PPP2R1B: variants seen among roughly 807,000 people sequenced by gnomAD.
The protein encoded by PPP2R1B is serine/threonine-protein phosphatase 2A 65 kDa regulatory subunit A beta isoform.
PPP2R1B carries 58 observed loss-of-function variants against 72.7 expected under a neutral mutation model. The ratio of observed to expected loss-of-function variants is 0.80; its 90% CI spans 0.65 to 0.99. PPP2R1B has a LOEUF of 0.99. PPP2R1B is among the 50% of genes least tolerant of loss of function. The pLI, the probability that PPP2R1B is intolerant of heterozygous loss-of-function variation, is 0.00. For synonymous variants in PPP2R1B, 256 were observed against 264.6 expected, an observed-to-expected ratio of 0.97 and a Z score of 0.32; for missense variants, 695 against 733.6, an observed-to-expected ratio of 0.95 and a Z score of 0.61.
chr11:111,698,679 C>G, the PPP2R1B span, among the ~76,000 whole-genome samples: 4 of 152,282 alleles, frequency 2.6e-5, no homozygotes, highest in East Asian at 7.7e-4. Context: ...CCATTGCACT[C>G]TAGCCTGGGC....
rs560686651 is a variant in PPP2R1B, at chr11:111,741,088, T to C, written c.*508A>G. On this transcript the variant is annotated 3_prime_UTR_variant, in exon 15 of 15. Coordinates refer to ENST00000527614, the MANE Select transcript of PPP2R1B (RefSeq NM_002716.5). ...ATGAGACTAATGCAGACCATCATAA[T>C]TCAGGAAAATGTGGCTTTCATTACG... The C allele has an allele frequency of 5.1e-6, 5 of 987,692 alleles. No individual in the cohort carries two copies. In the South Asian group the frequency reaches 1.9e-4, roughly 37 times the overall value. The allele number at this position is 987,692 out of a possible 1,614,324, so 61.2% of individuals were successfully genotyped here.
rs1555048931 is a variant in PPP2R1B, at chr11:111,754,506, T to A, written c.1022A>T (p.Tyr341Phe). The A allele has an allele frequency of 1.2e-6, 2 of 1,603,232 alleles. No homozygotes were observed. Among genetic ancestry groups the A allele is most frequent in the Non-Finnish European group, 1.7e-6 (2 of 1,177,510 alleles). The stretch of plus-strand genomic sequence containing the variant: ...AAATAAAGTCAGGTTTACCTTTATA[T>A]AAGGCAGAATTTGATTCATAATTAT... ...ETIIMNQILP[Y>F]IKELVSDTNQ... The change falls in exon 8 of 15, where the codon TAT becomes TTT. Residue 341 changes from tyrosine to phenylalanine, a missense_variant. Physicochemically the swap from Tyr to Phe is conservative, Grantham distance 22. Coordinates refer to ENST00000527614, the MANE Select transcript of PPP2R1B (RefSeq NM_002716.5).
intron 9 of PPP2R1B, 129 bp downstream of exon 9, chr11:111,753,314 T>A: frequency 7.8e-7 from 1 of 1,277,036 alleles, no homozygotes; most frequent in South Asian, 1.4e-5. Context: ...CAGGTGTCAT[T>A]GGTTTAAAAT....
intron 10 of PPP2R1B, 45 bp from the exon 11 acceptor site, chr11:111,748,059 G>T (rs1465821978): frequency 6.4e-7 from 1 of 1,560,772 alleles, no homozygotes; most frequent in African/African-American, 1.4e-5. Flanking sequence ...CCAAAATTCA[G>T]AAATAAAGAT....
intron 3 of PPP2R1B, 167 bp from the exon 4 acceptor site, chr11:111,761,218 C>T (rs1172062108): frequency 1.5e-5 from 11 of 727,324 alleles, no homozygotes; most frequent in Admixed American, 4.0e-5. Flanking sequence ...ACATATGGTG[C>T]GGCCAACCCA....
the PPP2R1B span, among the ~76,000 whole-genome samples, chr11:111,705,584 C>G: frequency 6.6e-6 from 1 of 152,126 alleles, no homozygotes; most frequent in East Asian, 1.9e-4. The surrounding 1 kb of genome is among the most constrained non-coding windows in gnomAD (Gnocchi z 4.3). Flanking sequence ...TGTAGCAGAG[C>G]AGGGACAGGG....
At chr11:111,696,970 G>A in the PPP2R1B span, among the ~76,000 whole-genome samples, 9 of 152,144 alleles carry the variant, frequency 5.9e-5, no homozygotes, top group Non-Finnish European at 1.2e-4. Context: ...CCAGATTCCT[G>A]TGAAGAAATT....
the PPP2R1B span, among the ~76,000 whole-genome samples, chr11:111,711,600 C>T: frequency 2.0e-5 from 3 of 152,222 alleles, no homozygotes; most frequent in Non-Finnish European, 4.4e-5. Context: ...GGCCAGCAGG[C>T]TGAGTCCAGG....
chr11:111,698,362 C>G, the PPP2R1B span, among the ~76,000 whole-genome samples: 1 of 152,218 alleles, frequency 6.6e-6, no homozygotes. Flanking sequence ...TGACAGGCCT[C>G]TGTCCCATTC....
chr11:111,717,944 GGAA>G, the PPP2R1B span, among the ~76,000 whole-genome samples: 1 of 152,154 alleles, frequency 6.6e-6, no homozygotes, highest in Admixed American at 6.5e-5. Flanking sequence ...GAGAGCATCA[GGAA>G]GAATAGCTGA....
chr11:111,733,689 G>A (rs914611091), downstream of PPP2R1B, among the ~76,000 whole-genome samples: 1 of 152,174 alleles, frequency 6.6e-6, no homozygotes, highest in Admixed American at 6.5e-5. Flanking sequence ...GCCACACATA[G>A]CTCCCGGAGC....
At chr11:111,742,832 A>C (rs1032335902) in intron 12 of PPP2R1B, among the ~76,000 whole-genome samples, 167 bp from the exon 13 acceptor site, 3 of 151,886 alleles carry the variant, frequency 2.0e-5, no homozygotes, top group Non-Finnish European at 4.4e-5. Flanking sequence ...AGAGAATTAG[A>C]CCAGAATTCA....
At chr11:111,701,427 GTC>G in the PPP2R1B span, 2 of 1,605,032 alleles carry the variant, frequency 1.2e-6, no homozygotes, top group Non-Finnish European at 1.7e-6. This position sits in a 1 kb window ranked among gnomAD's most constrained non-coding sequence, Gnocchi z 4.2. Flanking sequence ...TGGTAGAAAA[GTC>G]TCTGCATTGT....
the PPP2R1B span, among the ~76,000 whole-genome samples, chr11:111,690,837 G>A: frequency 6.6e-6 from 1 of 152,040 alleles, no homozygotes; most frequent in African/African-American, 2.4e-5. Flanking sequence ...TATGTGCCAC[G>A]TTTGCTGTAT....
intron 12 of PPP2R1B, 83 bp downstream of exon 12, chr11:111,743,293 C>G: frequency 3.0e-6 from 4 of 1,319,288 alleles, no homozygotes; most frequent in Non-Finnish European, 4.2e-6. Context: ...AAATAGAAGA[C>G]AGTATACTGA....
rs1478765667 is a variant in PPP2R1B, at chr11:111,743,421, A to G, written c.1509T>C (p.Asn503=). The G allele has an allele frequency of 6.2e-7, 1 of 1,612,996 alleles. No individual in the cohort carries two copies. Residue 503 remains asparagine, a synonymous_variant, in exon 12 of 15, where the codon AAT becomes AAC. Coordinates refer to ENST00000527614, the MANE Select transcript of PPP2R1B (RefSeq NM_002716.5). The part of the protein sequence containing the change: ...TIVPKVLVMA[N]DPNYLHRMTT... ...TCATTCTATGCAAGTAATTAGGATC[A>G]TTTGCCATTACTAACACTTTGGGAA... is the stretch of plus-strand genomic sequence containing the variant.
At chr11:111,753,239 A>G (rs528842536) in intron 9 of PPP2R1B, among the ~76,000 whole-genome samples, 1 of 152,356 alleles carries the variant, frequency 6.6e-6, no homozygotes, top group Non-Finnish European at 1.5e-5. Flanking sequence ...AGATATTTCT[A>G]GGTTTACTCT....
chr11:111,725,137 C>T (rs1169631906), downstream of PPP2R1B: 2 of 152,618 alleles, frequency 1.3e-5, no homozygotes, highest in East Asian at 1.9e-4. Context: ...GATAAATGAA[C>T]TTTTCTGTCC....
intron 15 of PPP2R1B, among the ~76,000 whole-genome samples, chr11:111,731,248 G>A (rs544293479): frequency 1.3e-5 from 2 of 152,208 alleles, no homozygotes; most frequent in Non-Finnish European, 2.9e-5. Context: ...AGGGGTCCCC[G>A]AGGACAGGCA....
Sources: gnomAD v4.1 joint callset for allele counts (sites outside exome capture counted in the v4.1 genomes callset) on GRCh38, gnomAD v4.1.1 for gene constraint, Gnocchi (gnomAD v3.1) non-coding constraint, MANE v1.5 for transcripts, NCBI Gene and HGNC (gene_info 2026-07-23, HGNC 2026-07-21) for gene names.